The following DLG2 variants were observed in gnomAD, a reference collection of about 807,000 sequenced individuals.
DLG2 encodes discs large MAGUK scaffold protein 2, also known as disks large homolog 2.
In DLG2, 45 loss-of-function variants were observed where a neutral mutation model predicts 132.5. The observed-to-expected ratio is 0.34, with a 90% CI of 0.27 to 0.44. The LOEUF is 0.44. DLG2 is among the 20% of genes least tolerant of loss of function. The pLI, the probability that DLG2 is intolerant of heterozygous loss-of-function variation, is 1.00. For synonymous variants in DLG2, 424 were observed against 419.6 expected (o/e 1.01, Z -0.13); for missense variants, 1,045 against 1,196.9 (o/e 0.87, Z 1.87).
At chr11:85,428,985 G>A (rs183882707) in intron 3 of DLG2, among the ~76,000 whole-genome samples, 1 of 152,082 alleles carries the variant, frequency 6.6e-6, no homozygotes, top group Non-Finnish European at 1.5e-5. Flanking sequence ...TACCATCAGA[G>A]AATACTATAA....
intron 3 of DLG2, among the ~76,000 whole-genome samples, chr11:85,379,760 G>C (rs2085725100): frequency 6.6e-6 from 1 of 152,156 alleles, no homozygotes; most frequent in African/African-American, 2.4e-5. Flanking sequence ...CGATACTTCT[G>C]GCTGCTGTTT....
chr11:84,530,966 C>A (rs1399148898), intron 7 of DLG2, among the ~76,000 whole-genome samples: 1 of 151,862 alleles, frequency 6.6e-6, no homozygotes, highest in East Asian at 1.9e-4. Flanking sequence ...GAGGCCAAGG[C>A]GGGAGGATCA....
chr11:83,998,338 A>G (rs1264489016), intron 11 of DLG2, among the ~76,000 whole-genome samples: 1 of 152,220 alleles, frequency 6.6e-6, no homozygotes, highest in East Asian at 1.9e-4. Context: ...CAGCCTAATG[A>G]TGGCTGACTA....
At chr11:83,609,415 C>A (rs2059797103) in intron 19 of DLG2, among the ~76,000 whole-genome samples, 1 of 152,134 alleles carries the variant, frequency 6.6e-6, no homozygotes, top group Non-Finnish European at 1.5e-5. Flanking sequence ...TGGCTCCAAG[C>A]ACAACTAGGG....
intron 6 of DLG2, among the ~76,000 whole-genome samples, chr11:84,809,645 C>T (rs896657475): frequency 4.6e-5 from 7 of 151,492 alleles, no homozygotes; most frequent in Admixed American, 4.6e-4. Context: ...ATGTGGACAC[C>T]CAAATTAAAA....
Position 84,310,444 on chromosome 11 carries a change from G to A in DLG2, c.520-59153C>T, listed in dbSNP as rs150427831. On this transcript the variant is annotated intron_variant, in intron 7 of 27. Transcript: ENST00000376104. ...ACAGTGTCTCACACATTGTGAACAT[G>A]GTGATTATGCAATAAATATTGTCAT... Among the ~76,000 whole-genome samples, 121 of 152,284 alleles carry A rather than the reference G, an allele frequency of 7.9e-4. 1 individual carries two copies. The highest frequency in any genetic ancestry group is 1.3e-3 in the Non-Finnish European group (91 of 68,026).
intron 6 of DLG2, among the ~76,000 whole-genome samples, chr11:84,938,073 A>AG (rs2048965724): frequency 1.3e-5 from 2 of 152,198 alleles, no homozygotes; most frequent in Non-Finnish European, 2.9e-5. Flanking sequence ...GCTTTTTAAC[A>AG]GTTCTGTGAG....
At chr11:84,159,280 A>C (rs1013054287) in intron 9 of DLG2, among the ~76,000 whole-genome samples, 11 of 152,342 alleles carry the variant, frequency 7.2e-5, no homozygotes, top group Non-Finnish European at 1.3e-4. Context: ...ATAAATAAAT[A>C]ATATACATTT....
chr11:85,545,360 C>A (rs984841435), intron 3 of DLG2, among the ~76,000 whole-genome samples: 4 of 152,044 alleles, frequency 2.6e-5, no homozygotes, highest in African/African-American at 4.8e-5. Flanking sequence ...GGTGGATAAG[C>A]TTTTTGATGT....
At chr11:84,202,267 G>C (rs1029111745) in intron 8 of DLG2, among the ~76,000 whole-genome samples, 8 of 152,142 alleles carry the variant, frequency 5.3e-5, no homozygotes, top group Non-Finnish European at 8.8e-5. Context: ...TACAAGGACA[G>C]ACACATAGAC....
At chr11:85,402,734 T>C (rs1029490291) in intron 3 of DLG2, among the ~76,000 whole-genome samples, 3 of 152,074 alleles carry the variant, frequency 2.0e-5, no homozygotes, top group South Asian at 2.1e-4. Context: ...AACAGACATA[T>C]GAAAAAATGC....
intron 3 of DLG2, among the ~76,000 whole-genome samples, chr11:85,457,080 G>A (rs781364795): frequency 3.3e-5 from 5 of 152,008 alleles, no homozygotes; most frequent in Non-Finnish European, 7.4e-5. Flanking sequence ...CTGAGAAATT[G>A]CTTTATGAAT....
At chr11:83,658,420 A>G (rs971168977) in intron 18 of DLG2, among the ~76,000 whole-genome samples, 7 of 152,278 alleles carry the variant, frequency 4.6e-5, no homozygotes, top group African/African-American at 1.7e-4. Context: ...TCCAACTGTC[A>G]GCAAAGAGAT....
chr11:84,443,598 A>G (rs2099023951), intron 7 of DLG2, among the ~76,000 whole-genome samples: 1 of 152,224 alleles, frequency 6.6e-6, no homozygotes, highest in Non-Finnish European at 1.5e-5. Context: ...TTTCCGAAAC[A>G]TAATATATAA....
At chr11:85,338,038 A>C (rs2082246030) in intron 3 of DLG2, among the ~76,000 whole-genome samples, 1 of 152,218 alleles carries the variant, frequency 6.6e-6, no homozygotes, top group Non-Finnish European at 1.5e-5. Context: ...GTCACAAAGT[A>C]ATAAGAAATA....
chr11:84,116,487 C>T (rs2093639465), intron 9 of DLG2, among the ~76,000 whole-genome samples: 1 of 152,144 alleles, frequency 6.6e-6, no homozygotes, highest in South Asian at 2.1e-4. Flanking sequence ...GAAGGTCTTA[C>T]ATGGTGGCAG....
At chr11:84,535,297 A>G (rs1379588490) in intron 6 of DLG2, among the ~76,000 whole-genome samples, 1 of 152,178 alleles carries the variant, frequency 6.6e-6, no homozygotes, top group Non-Finnish European at 1.5e-5. Flanking sequence ...CCGCTAGGAG[A>G]AGGAGTATTG....
intron 3 of DLG2, among the ~76,000 whole-genome samples, chr11:85,497,868 C>A (rs1212622179): frequency 6.6e-6 from 1 of 152,186 alleles, no homozygotes. Context: ...CTTTTACAGA[C>A]AAGCAAATGC....
intron 4 of DLG2, among the ~76,000 whole-genome samples, chr11:85,200,935 A>G (rs1260896243): frequency 1.3e-5 from 2 of 152,028 alleles, no homozygotes; most frequent in African/African-American, 2.4e-5. Flanking sequence ...GGGCCCCATC[A>G]GCTCCAGCTC....
Sources: allele counts gnomAD v4.1 joint callset (sites outside exome capture counted in the v4.1 genomes callset), GRCh38; gene constraint gnomAD v4.1.1; transcripts MANE v1.5; gene names NCBI Gene and HGNC (gene_info 2026-07-23, HGNC 2026-07-21).